Variants in TP53BP1 observed in about 807,000 individuals in gnomAD.
TP53BP1 encodes TP53-binding protein 1.
Under a neutral mutation model 200.8 loss-of-function variants are expected in TP53BP1, and 61 were observed. That is an observed-to-expected ratio of 0.30 (90% CI 0.25 to 0.38). TP53BP1 has a LOEUF of 0.38. Among genes scored for constraint, TP53BP1 ranks in the 10% least tolerant of loss-of-function variants. TP53BP1 has a pLI of 1.00. For synonymous variants in TP53BP1, 822 were observed against 844.3 expected, an observed-to-expected ratio of 0.97 and a Z score of 0.46; for missense variants, 2,144 against 2,371.9, an observed-to-expected ratio of 0.90 and a Z score of 2.00.
At chr15:43,495,494 G>A (rs2439833), upstream of TP53BP1, among the ~76,000 whole-genome samples, 41,016 of 110,340 alleles carry the variant, frequency 0.37, 9,823 homozygotes, top group African/African-American at 0.72. Context: ...GTGAGACTCC[G>A]TCACACACAC....
chr15:43,490,140 A>G (rs2079101295), intron 4 of TP53BP1, among the ~76,000 whole-genome samples: 1 of 152,008 alleles, frequency 6.6e-6, no homozygotes, highest in Non-Finnish European at 1.5e-5. Flanking sequence ...CCCAGGCTAG[A>G]GTGCAGTGGC....
chr15:43,409,759 ACC>A lies in TP53BP1; in HGVS notation c.5306-20_5306-19del. On this transcript the variant is annotated intron_variant, in intron 24 of 27. Transcript: ENST00000382044. ...CAAAAATTCTATATTAAAAAAAAAA[ACC>A]AAGATAATAATTACTGAGTGGTTTT... 1 of 1,167,800 alleles carries A rather than the reference ACC, an allele frequency of 8.6e-7. No homozygotes were observed. The highest frequency in any genetic ancestry group is 1.2e-6 in the Non-Finnish European group (1 of 823,122). 72.3% of individuals were successfully genotyped at this position (1,167,800 alleles called of 1,614,324 possible).
intron 9 of TP53BP1, among the ~76,000 whole-genome samples, chr15:43,475,210 A>T (rs45604644): frequency 6.6e-6 from 1 of 152,380 alleles, no homozygotes; most frequent in Non-Finnish European, 1.5e-5. Context: ...TAACATAAAG[A>T]AATCCAACTA....
intron 6 of TP53BP1, 141 bp downstream of exon 6, chr15:43,479,718 T>G (rs1027318229): frequency 3.1e-5 from 38 of 1,212,340 alleles, no homozygotes; most frequent in Middle Eastern, 2.6e-4. Context: ...GACAAGTATT[T>G]ACCAGAAAAC....
In TP53BP1 at chr15:43,436,222, C is replaced by T. The variant is rs554217608; in HGVS notation, c.3191+2102G>A. ...CCCAGGCTGGTCTCCAACTCCAGAG[C>T]TCAGGCCATCCACCCACCTCGGTCT... is the stretch of plus-strand genomic sequence containing the variant. On this transcript the variant is annotated intron_variant, in intron 16 of 27. Transcript: ENST00000382044. Among the ~76,000 whole-genome samples, 5 of 152,212 alleles carry T rather than the reference C, an allele frequency of 3.3e-5. No individual in the cohort carries two copies. In the South Asian group the frequency reaches 1.0e-3, roughly 32 times the overall value.
intron 15 of TP53BP1, among the ~76,000 whole-genome samples, chr15:43,439,223 A>T (rs1039392704): frequency 1.3e-5 from 2 of 152,168 alleles, no homozygotes; most frequent in African/African-American, 2.4e-5. Flanking sequence ...TGAACAGAGT[A>T]CAGTTACAAA....
intron 18 of TP53BP1, among the ~76,000 whole-genome samples, chr15:43,427,228 T>C (rs2045560852): frequency 6.6e-6 from 1 of 152,166 alleles, no homozygotes; most frequent in South Asian, 2.1e-4. Flanking sequence ...CTGACATTTG[T>C]AATGAGTCTA....
chr15:43,458,865 C>CT (rs2046363102), intron 11 of TP53BP1, among the ~76,000 whole-genome samples: 1 of 152,086 alleles, frequency 6.6e-6, no homozygotes, highest in African/African-American at 2.4e-5. Flanking sequence ...TACATTGCTG[C>CT]TGGGAATGCA....
At chr15:43,486,780 T>A (rs1566965292) in intron 4 of TP53BP1, among the ~76,000 whole-genome samples, 1 of 152,086 alleles carries the variant, frequency 6.6e-6, no homozygotes. Context: ...TGTGCCACCA[T>A]GCCCAGCTAA....
At chr15:43,424,189 T>G (rs145959864) in intron 18 of TP53BP1, among the ~76,000 whole-genome samples, 1 of 152,168 alleles carries the variant, frequency 6.6e-6, no homozygotes, top group Admixed American at 6.5e-5. Flanking sequence ...CAGCCGAACC[T>G]CCATTCAAGA....
chr15:43,486,892 C>A (rs1329068353), intron 4 of TP53BP1, among the ~76,000 whole-genome samples: 1 of 152,162 alleles, frequency 6.6e-6, no homozygotes, highest in Non-Finnish European at 1.5e-5. Flanking sequence ...TCCCAAAGTG[C>A]TGAAATTATA....
rs759012337 is a variant in TP53BP1, at chr15:43,491,996, C to T, written c.286+6G>A. On this transcript the variant is annotated splice_donor_region_variant and intron_variant, in intron 3 of 27. Coordinates refer to ENST00000382044, the MANE Select transcript of TP53BP1 (RefSeq NM_001141980.3). ...CAAAGGGGACAGATAGCTTTAAACA[C>T]CTCACCTGCAACCTTGTTTTCTTTC... 17 of 1,608,954 alleles carry T rather than the reference C, an allele frequency of 1.1e-5. No homozygotes were observed. The South Asian group carries it at 1.9e-4, about 18-fold the overall frequency.
chr15:43,419,528 T>G (rs1391756621), intron 21 of TP53BP1, among the ~76,000 whole-genome samples: 1 of 145,918 alleles, frequency 6.9e-6, no homozygotes, highest in Non-Finnish European at 1.5e-5. Flanking sequence ...CCCAGCTAAT[T>G]TATGTTCCTT....
In TP53BP1 at chr15:43,405,117, A is replaced by G; in HGVS notation, c.*2266T>C. 6.8e-7 allele frequency: 1 copy of G among 1,480,728 alleles called. No individual in the cohort carries two copies. The highest frequency in any genetic ancestry group is 1.2e-5 in the South Asian group (1 of 86,820). The allele number at this position is 1,480,728 out of a possible 1,614,324, so 91.7% of individuals were successfully genotyped here. A position where few individuals can be genotyped will look rare whatever the true frequency, so the allele number is the denominator to read the frequency against. On this transcript the variant is annotated 3_prime_UTR_variant, in exon 28 of 28. Coordinates refer to ENST00000382044, the MANE Select transcript of TP53BP1 (RefSeq NM_001141980.3). ...TCAGTTTTAAGATGACATTATTTAG[A>G]TCACAGGTTATCCTGATTCATATTT... is the stretch of plus-strand genomic sequence containing the variant.
At chr15:43,440,355 CA>C (rs964770346) in intron 15 of TP53BP1, among the ~76,000 whole-genome samples, 18 of 147,954 alleles carry the variant, frequency 1.2e-4, no homozygotes, top group Non-Finnish European at 1.8e-4. Context: ...ACTAAAAATA[CA>C]AAAAAAAAAT....
intron 4 of TP53BP1, among the ~76,000 whole-genome samples, chr15:43,483,820 T>C (rs532552816): frequency 1.3e-5 from 2 of 152,322 alleles, no homozygotes; most frequent in South Asian, 4.1e-4. Context: ...CACTTTGAGC[T>C]CTTCTTAGTT....
chr15:43,501,011 G>A (rs1005415953), intron 1 of TP53BP1, among the ~76,000 whole-genome samples: 14 of 152,074 alleles, frequency 9.2e-5, no homozygotes, highest in Admixed American at 6.5e-5. Flanking sequence ...ACCAGCCTGG[G>A]TGACAGTGAC....
chr15:43,498,242 C>T (rs527483173), intron 1 of TP53BP1, among the ~76,000 whole-genome samples: 1 of 152,170 alleles, frequency 6.6e-6, no homozygotes, highest in Non-Finnish European at 1.5e-5. Flanking sequence ...AGGGTATATA[C>T]ATGATCTCAA....
chr15:43,436,830 T>G (rs923753292), intron 16 of TP53BP1, among the ~76,000 whole-genome samples: 13 of 152,010 alleles, frequency 8.6e-5, no homozygotes, highest in African/African-American at 3.1e-4. Context: ...TCAAAACTTT[T>G]TTCCTGCCTC....
Sources: allele counts gnomAD v4.1 joint callset (sites outside exome capture counted in the v4.1 genomes callset), GRCh38; gene constraint gnomAD v4.1.1; transcripts MANE v1.5; gene names NCBI Gene and HGNC (gene_info 2026-07-23, HGNC 2026-07-21).